The following CPVL variants were observed in gnomAD, a reference collection of about 807,000 sequenced individuals.
The protein encoded by CPVL is probable serine carboxypeptidase CPVL.
Under a neutral mutation model 63.7 loss-of-function variants are expected in CPVL, and 51 were observed. The ratio of observed to expected loss-of-function variants is 0.80; its 90% CI spans 0.64 to 1.01. The LOEUF (loss-of-function observed/expected upper bound fraction) is 1.01, where lower values mean the gene tolerates loss of function less well. Ranked by LOEUF, CPVL falls within the 50% of genes least tolerant of loss-of-function variation. The pLI, the probability that CPVL is intolerant of heterozygous loss-of-function variation, is 0.00. For missense variants in CPVL, 530 were observed against 573.1 expected (o/e 0.92, Z 0.77); for synonymous variants, 195 against 206.0 (o/e 0.95, Z 0.46).
chr7:29,144,313 C>A (rs1366136220), intron 1 of CPVL, among the ~76,000 whole-genome samples: 2 of 151,808 alleles, frequency 1.3e-5, no homozygotes, highest in African/African-American at 2.4e-5. Context: ...GTAATCCCAG[C>A]ACTTTGGAAG....
intron 9 of CPVL, among the ~76,000 whole-genome samples, chr7:29,069,827 T>TGTGTGTGCGCGCGC (rs1554335163): frequency 7.4e-6 from 1 of 135,396 alleles, no homozygotes; most frequent in African/African-American, 2.7e-5. Context: ...TGTGTGTGTG[T>TGTGTGTGCGCGCGC]GCATGTAAAT....
Position 29,049,125 on chromosome 7 carries a change from A to ACCAAAC in CPVL, c.1137+14930_1137+14935dup, listed in dbSNP as rs562271879. ...CAAGGAACTAGAGAAACAAGAACAA[A>ACCAAAC]CCAAACCCAAACCCAAACCCAGCAG... On this transcript the variant is annotated intron_variant, in intron 11 of 12. Transcript: ENST00000265394. Among the ~76,000 whole-genome samples, 1,297 of 152,024 alleles carry ACCAAAC rather than the reference A, an allele frequency of 8.5e-3. 4 individuals carry two copies. Among genetic ancestry groups the ACCAAAC allele is most frequent in the Non-Finnish European group, 0.011 (751 of 67,926 alleles).
rs571990340 is a variant in CPVL at position 29,044,441 on chromosome 7, A to G, written c.1138-13682T>C. The stretch of plus-strand genomic sequence containing the variant: ...CAAAAAAATAATAATAAAAAGAGTC[A>G]GCAAAGCTTATTTTATTTCCTTTTG... On this transcript the variant is annotated intron_variant, in intron 11 of 12. Transcript: ENST00000265394. Among the ~76,000 whole-genome samples the G allele has an allele frequency of 2.0e-5, 3 of 152,274 alleles. 1 individual carries two copies. Among genetic ancestry groups the G allele is most frequent in the African/African-American group, 7.2e-5 (3 of 41,560 alleles).
chr7:29,100,793 G>A (rs1319180473), intron 3 of CPVL, among the ~76,000 whole-genome samples: 7 of 152,196 alleles, frequency 4.6e-5, no homozygotes, highest in Non-Finnish European at 1.0e-4. Flanking sequence ...AACCCTGGAA[G>A]AAGCCTGTTT....
At chr7:29,134,960 A>G (rs1791043998) in intron 1 of CPVL, among the ~76,000 whole-genome samples, 1 of 151,980 alleles carries the variant, frequency 6.6e-6, no homozygotes, top group South Asian at 2.1e-4. Context: ...AAAATTAGCC[A>G]GACATGGTGG....
At chr7:29,158,003 G>A (rs1198064089) in intron 5 of CPVL, among the ~76,000 whole-genome samples, 1 of 152,158 alleles carries the variant, frequency 6.6e-6, no homozygotes, top group Non-Finnish European at 1.5e-5. Context: ...GAAACGGAAG[G>A]AAGTGTTATC....
intron 3 of CPVL, among the ~76,000 whole-genome samples, chr7:29,104,686 CCTAACCTTT>C (rs1329231453): frequency 6.6e-6 from 1 of 152,208 alleles, no homozygotes; most frequent in Admixed American, 6.5e-5. Context: ...CTTTCTCCTT[CCTAACCTTT>C]CTACCTGGCT....
intron 12 of CPVL, among the ~76,000 whole-genome samples, chr7:29,004,896 C>CTTTTTTTTTTTTTTTTTTTTTTTT (rs555443117): frequency 6.9e-6 from 1 of 144,852 alleles, no homozygotes. Context: ...TTTTTCTTTT[C>CTTTTTTTTTTTTTTTTTTTTTTTT]TTTTCTTTTT....
intron 5 of CPVL, among the ~76,000 whole-genome samples, chr7:29,180,355 A>G (rs1005235445): frequency 6.6e-6 from 1 of 152,074 alleles, no homozygotes; most frequent in African/African-American, 2.4e-5. Context: ...GTGAAACCCT[A>G]TCTCTACTAA....
At chr7:29,026,674 C>T (rs1003345582) in intron 12 of CPVL, among the ~76,000 whole-genome samples, 2 of 151,862 alleles carry the variant, frequency 1.3e-5, no homozygotes, top group Admixed American at 6.6e-5. Flanking sequence ...CAATCGATAC[C>T]ACACAAATAC....
intron 1 of CPVL, chr7:29,122,384 A>G (rs1242246983): frequency 6.6e-6 from 1 of 152,240 alleles, no homozygotes; most frequent in Non-Finnish European, 1.5e-5. Flanking sequence ...CAGGATTCTC[A>G]CTGAAGACAG....
At chr7:29,098,401 T>C (rs1162749282) in intron 3 of CPVL, among the ~76,000 whole-genome samples, 1 of 152,174 alleles carries the variant, frequency 6.6e-6, no homozygotes, top group Non-Finnish European at 1.5e-5. Flanking sequence ...CTGGGAAGAA[T>C]GGCCATGAGC....
intron 12 of CPVL, 64 bp downstream of exon 12, chr7:29,030,513 A>C: frequency 6.7e-7 from 1 of 1,499,098 alleles, no homozygotes; most frequent in East Asian, 2.3e-5. Context: ...ATTGCTATTC[A>C]GGCTTTATTT....
At chr7:29,068,586 G>A (rs1783372680) in intron 9 of CPVL, among the ~76,000 whole-genome samples, 1 of 152,108 alleles carries the variant, frequency 6.6e-6, no homozygotes, top group African/African-American at 2.4e-5. Flanking sequence ...GCTGCATCTG[G>A]AGAAGTGGCC....
chr7:29,053,071 A>G (rs1790366379), intron 11 of CPVL, among the ~76,000 whole-genome samples: 1 of 152,246 alleles, frequency 6.6e-6, no homozygotes. Context: ...TTCATCGTTC[A>G]TCATTAGGGA....
At chr7:29,074,326 T>C (rs1329201551) in intron 7 of CPVL, among the ~76,000 whole-genome samples, 1 of 152,254 alleles carries the variant, frequency 6.6e-6, no homozygotes, top group Non-Finnish European at 1.5e-5. Flanking sequence ...TTGTGTAATA[T>C]AAAGGTGTGT....
intron 5 of CPVL, among the ~76,000 whole-genome samples, chr7:29,166,172 G>A (rs11772574): frequency 0.22 from 33,910 of 151,808 alleles, 5,450 homozygotes; most frequent in African/African-American, 0.45. Flanking sequence ...CTAGGACCAC[G>A]GGTGTGTGCC....
At chr7:29,179,646 A>G (rs1313925804) in intron 5 of CPVL, among the ~76,000 whole-genome samples, 1 of 152,254 alleles carries the variant, frequency 6.6e-6, no homozygotes, top group African/African-American at 2.4e-5. Context: ...ATGTAAATAA[A>G]TATTCTCCTT....
rs761178562 is a variant in CPVL, at chr7:29,024,510, G to C, written c.1320+6067C>G. On this transcript the variant is annotated intron_variant, in intron 12 of 12. Transcript: ENST00000265394. ...CAGGAAGCTCAAAAATCTCCAAATGGATTCAATCCAAAAATGTCTTCTCCA... is the reference window on the plus strand; with the variant it reads ...CAGGAAGCTCAAAAATCTCCAAATGCATTCAATCCAAAAATGTCTTCTCCA... 3.4e-4 allele frequency among the ~76,000 whole-genome samples: 51 copies of C among 152,062 alleles called. 1 individual carries two copies. Among genetic ancestry groups the C allele is most frequent in the Admixed American group, 4.6e-4 (7 of 15,266 alleles).
Sources: allele counts gnomAD v4.1 joint callset (sites outside exome capture counted in the v4.1 genomes callset), GRCh38; gene constraint gnomAD v4.1.1; transcripts MANE v1.5; gene names NCBI Gene and HGNC (gene_info 2026-07-23, HGNC 2026-07-21).